Variants in LGALS8 observed in about 807,000 individuals in gnomAD.
LGALS8 encodes galectin 8.
In LGALS8, 30 loss-of-function variants were observed where a neutral mutation model predicts 35.9. The observed-to-expected ratio is 0.83, with a 90% CI of 0.62 to 1.13. The LOEUF (loss-of-function observed/expected upper bound fraction) is 1.13. LGALS8 is among the 50% of genes most tolerant of loss of function. The probability of loss-of-function intolerance (pLI) is 0.00; values close to 1 mark genes in which losing one functional copy is unlikely to be tolerated. For missense variants in LGALS8, 366 were observed against 388.7 expected, an observed-to-expected ratio of 0.94 and a Z score of 0.49; for synonymous variants, 138 against 136.1, an observed-to-expected ratio of 1.01 and a Z score of -0.10.
At position 236,550,651 on chromosome 1, in the gene LGALS8, A is replaced by T; in HGVS notation, c.*2490A>T. On this transcript the variant is annotated 3_prime_UTR_variant, in exon 10 of 10. Transcript: ENST00000366584. ...CAGGAAGAGAATAATAAATGTTTAA[A>T]CAAACACAGCAGTCTGTATAAAAAT... The T allele has an allele frequency of 2.4e-6, 1 of 414,604 alleles. No homozygotes were observed. The highest frequency in any genetic ancestry group is 3.8e-5 in the East Asian group (1 of 26,358). 25.7% of individuals were successfully genotyped at this position (414,604 alleles called of 1,614,324 possible). A position where few individuals can be genotyped will look rare whatever the true frequency, so the allele number is the denominator to read the frequency against.
intron 7 of LGALS8, chr1:236,543,006 G>A: frequency 1.2e-6 from 2 of 1,614,122 alleles, no homozygotes; most frequent in Non-Finnish European, 8.5e-7. Context: ...ACTTTGACTT[G>A]CACCAAAATA....
chr1:236,520,321 T>C (rs1571981028), upstream of LGALS8, among the ~76,000 whole-genome samples: 1 of 150,794 alleles, frequency 6.6e-6, no homozygotes, highest in East Asian at 1.9e-4. Flanking sequence ...GTAATTCTTA[T>C]GGCAGGTCAC....
At chr1:236,544,643 TAG>T in intron 8 of LGALS8, 105 bp from the exon 9 acceptor site, 1 of 792,802 alleles carries the variant, frequency 1.3e-6, no homozygotes, top group Non-Finnish European at 1.9e-6. Flanking sequence ...GTGTGTTTCA[TAG>T]AGTTAGAATC....
chr1:236,537,491 T>C lies in LGALS8; in HGVS notation c.46-6T>C, dbSNP rs200373526. 4.5e-6 allele frequency: 7 copies of C among 1,557,420 alleles called. No individual in the cohort carries two copies. The highest frequency in any genetic ancestry group is 4.0e-5 in the African/African-American group (3 of 74,436). On this transcript the variant is annotated splice_region_variant and splice_polypyrimidine_tract_variant and intron_variant, in intron 2 of 9. Coordinates refer to ENST00000366584, the MANE Select transcript of LGALS8 (RefSeq NM_201544.4). ...AAACGTACATTTGTTAAATTTTTTT[T>C]CTTAGGTAATCCCGTTTGTTGGCAC...
intron 2 of LGALS8, among the ~76,000 whole-genome samples, chr1:236,531,475 C>T (rs1172250704): frequency 6.6e-6 from 1 of 152,156 alleles, no homozygotes; most frequent in African/African-American, 2.4e-5. Flanking sequence ...AGGCGCCCGC[C>T]ACCCACGCCT....
chr1:236,541,798 T>C, intron 6 of LGALS8, 88 bp downstream of exon 6: 1 of 645,154 alleles, frequency 1.6e-6, no homozygotes, highest in Non-Finnish European at 2.6e-6. Context: ...GCTGGGTTTT[T>C]GAAAATTATG....
At chr1:236,540,420 T>A in intron 4 of LGALS8, 144 bp from the exon 5 acceptor site, 1 of 885,984 alleles carries the variant, frequency 1.1e-6, no homozygotes. Flanking sequence ...GTGCTTTCGG[T>A]TACCATTTGG....
intron 2 of LGALS8, among the ~76,000 whole-genome samples, chr1:236,532,466 G>C (rs1249519503): frequency 6.6e-6 from 1 of 152,184 alleles, no homozygotes; most frequent in African/African-American, 2.4e-5. Context: ...GAGTCTCCAA[G>C]TCTTAGCAGA....
intron 9 of LGALS8, among the ~76,000 whole-genome samples, chr1:236,546,847 G>A (rs1398311849): frequency 6.6e-6 from 1 of 152,184 alleles, no homozygotes; most frequent in Non-Finnish European, 1.5e-5. Context: ...GGTTGGAACT[G>A]GGATTCCCAC....
intron 8 of LGALS8, among the ~76,000 whole-genome samples, 196 bp downstream of exon 8, chr1:236,543,844 CCTCGGCTTTTT>C (rs1381434600): frequency 1.3e-5 from 2 of 152,142 alleles, no homozygotes; most frequent in African/African-American, 4.8e-5. Context: ...CGTGTTCTGA[CCTCGGCTTTTT>C]CTGGCCAGAC....
intron 2 of LGALS8, chr1:236,536,309 G>A (rs1661498611): frequency 6.6e-6 from 1 of 152,268 alleles, no homozygotes; most frequent in African/African-American, 2.4e-5. Flanking sequence ...ATCCTGGTCA[G>A]ATGCTCTAGA....
chr1:236,548,113 G>T lies in LGALS8; in HGVS notation c.906G>T (p.Thr302=), dbSNP rs537982718. Residue 302 remains threonine (T), a synonymous_variant, in exon 10 of 10, where the codon ACG becomes ACT. Transcript: ENST00000366584. ...HRFKELSSID[T]LEINGDIHLL... is the part of the protein sequence containing the mutation. The stretch of plus-strand genomic sequence containing the variant: ...TTAAAGAGCTCAGCAGTATTGACAC[G>T]CTGGAAATTAATGGAGACATCCACT... 1.2e-6 allele frequency: 2 copies of T among 1,613,994 alleles called. No homozygotes were observed. The highest frequency in any genetic ancestry group is 1.7e-6 in the Non-Finnish European group (2 of 1,179,898).
chr1:236,537,910 C>G (rs1166967424), intron 3 of LGALS8, among the ~76,000 whole-genome samples: 1 of 134,262 alleles, frequency 7.4e-6, no homozygotes, highest in African/African-American at 2.7e-5. Flanking sequence ...CCAGCCTGGG[C>G]AACATAGTGA....
At chr1:236,521,367 G>A (rs1571981649), upstream of LGALS8, among the ~76,000 whole-genome samples, 1 of 152,266 alleles carries the variant, frequency 6.6e-6, no homozygotes, top group Non-Finnish European at 1.5e-5. Flanking sequence ...AAGATTTTAG[G>A]ATGGGAGTGT....
chr1:236,519,390 C>CA (rs777309791), upstream of LGALS8, among the ~76,000 whole-genome samples: 1,651 of 120,322 alleles, frequency 0.014, 14 homozygotes, highest in Non-Finnish European at 0.019. Flanking sequence ...GACTCTGTCT[C>CA]AAAAAAAAAA....
At chr1:236,524,216 G>C (rs1351996911) in intron 1 of LGALS8, 155 bp downstream of exon 1, 2 of 456,414 alleles carry the variant, frequency 4.4e-6, no homozygotes, top group Non-Finnish European at 8.8e-6. Flanking sequence ...CCGACCCGCC[G>C]GTCCTCACCG....
At chr1:236,543,804 C>G (rs1301576176) in intron 8 of LGALS8, among the ~76,000 whole-genome samples, 156 bp downstream of exon 8, 1 of 152,046 alleles carries the variant, frequency 6.6e-6, no homozygotes, top group African/African-American at 2.4e-5. Context: ...AGATTGTGAA[C>G]AGCCAGTGGG....
intron 5 of LGALS8, chr1:236,541,383 T>TA: frequency 3.3e-6 from 1 of 299,350 alleles, no homozygotes; most frequent in Middle Eastern, 9.8e-4. Context: ...AAAATTTTGA[T>TA]AGATACTAAC....
chr1:236,550,730 A>T lies in LGALS8; in HGVS notation c.*2569A>T. On this transcript the variant is annotated 3_prime_UTR_variant, in exon 10 of 10. Transcript: ENST00000366584. ...TCTATACGATAGGCAGGAGAGGCTTATGTGGCAGCACAAGCCAGGTGGGGA... is the reference window on the plus strand; with the variant it reads ...TCTATACGATAGGCAGGAGAGGCTTTTGTGGCAGCACAAGCCAGGTGGGGA... 1 of 555,190 alleles carries T rather than the reference A, an allele frequency of 1.8e-6. No individual in the cohort carries two copies. The highest frequency in any genetic ancestry group is 3.2e-6 in the Non-Finnish European group (1 of 316,756). The allele number at this position is 555,190 out of a possible 1,614,324, so 34.4% of individuals were successfully genotyped here.
Sources: allele counts gnomAD v4.1 joint callset (sites outside exome capture counted in the v4.1 genomes callset), GRCh38; gene constraint gnomAD v4.1.1; transcripts MANE v1.5; gene names NCBI Gene and HGNC (gene_info 2026-07-23, HGNC 2026-07-21).